Variants in DET1 observed in about 807,000 individuals in gnomAD.
DET1 encodes DET1 homolog.
In DET1, 22 loss-of-function variants were observed where a neutral mutation model predicts 43.7. The ratio of observed to expected loss-of-function variants is 0.50; its 90% confidence interval spans 0.36 to 0.72. The LOEUF (loss-of-function observed/expected upper bound fraction) is 0.72, where lower values mean the gene tolerates loss of function less well. Ranked by LOEUF, DET1 falls within the 30% of genes least tolerant of loss-of-function variation. The pLI is 0.00. For synonymous variants in DET1, 315 were observed against 266.2 expected, an observed-to-expected ratio of 1.18 and a Z score of -1.79; for missense variants, 713 against 713.3, an observed-to-expected ratio of 1.00 and a Z score of 0.00.
intron 4 of DET1, among the ~76,000 whole-genome samples, chr15:88,515,487 C>T (rs2056316387): frequency 8.2e-6 from 1 of 122,566 alleles, no homozygotes; most frequent in Admixed American, 1.1e-4. Context: ...TGCAGTGAGT[C>T]GAGATCGTGC....
downstream of DET1, chr15:88,511,492 T>C (rs1266563507): frequency 2.0e-6 from 2 of 985,352 alleles, no homozygotes; most frequent in Non-Finnish European, 2.4e-6. Flanking sequence ...TCTTCAACTC[T>C]TGGTCATACA....
intron 2 of DET1, 120 bp from the exon 3 acceptor site, chr15:88,527,906 A>T (rs575990905): frequency 3.4e-6 from 2 of 581,168 alleles, no homozygotes; most frequent in Non-Finnish European, 5.4e-6. Context: ...CAACAACAAC[A>T]ACAACAACAA....
intron 1 of DET1, among the ~76,000 whole-genome samples, chr15:88,535,793 GA>G (rs1161209358): frequency 6.9e-6 from 1 of 145,972 alleles, no homozygotes; most frequent in Non-Finnish European, 1.5e-5. Flanking sequence ...GAAGGAAGGG[GA>G]AAAAAAGAAA....
intron 8 of DET1, chr15:88,503,866 G>A (rs1372819790): frequency 2.0e-5 from 3 of 152,072 alleles, no homozygotes; most frequent in African/African-American, 4.8e-5. Flanking sequence ...CAGGCATGGT[G>A]ACATGTACCT....
At chr15:88,537,790 C>T (rs71403939) in intron 1 of DET1, among the ~76,000 whole-genome samples, 5,694 of 152,310 alleles carry the variant, frequency 0.037, 134 homozygotes, top group Middle Eastern at 0.061. Context: ...ATTCCCTCTG[C>T]CTGGAATGCA....
intron 3 of DET1, 43 bp downstream of exon 3, chr15:88,527,556 T>A (rs756938935): frequency 1.3e-6 from 2 of 1,521,102 alleles, no homozygotes; most frequent in Non-Finnish European, 1.8e-6. Context: ...CTAACACCAA[T>A]TTTTCTAAAG....
At chr15:88,542,485 G>A (rs1001880760) in intron 1 of DET1, among the ~76,000 whole-genome samples, 7 of 152,114 alleles carry the variant, frequency 4.6e-5, no homozygotes, top group African/African-American at 1.4e-4. Context: ...TACTCCTTTT[G>A]ACCCGGTGGC....
At chr15:88,541,486 A>G (rs1021711526) in intron 1 of DET1, among the ~76,000 whole-genome samples, 2 of 151,884 alleles carry the variant, frequency 1.3e-5, no homozygotes, top group African/African-American at 4.8e-5. Flanking sequence ...TACGAGAAAC[A>G]CCCACAGGTG....
chr15:88,543,406 A>C (rs1053530214), intron 1 of DET1, among the ~76,000 whole-genome samples: 3 of 152,222 alleles, frequency 2.0e-5, no homozygotes, highest in Non-Finnish European at 2.9e-5. Flanking sequence ...GCATTTTACA[A>C]TATCAGAGTT....
chr15:88,543,369 C>T (rs2057162442), intron 1 of DET1, among the ~76,000 whole-genome samples: 1 of 152,208 alleles, frequency 6.6e-6, no homozygotes, highest in Non-Finnish European at 1.5e-5. Flanking sequence ...CTACAAAGTG[C>T]TTCAGGTAAA....
chr15:88,520,461 T>C (rs1192806124), intron 3 of DET1, among the ~76,000 whole-genome samples: 1 of 152,242 alleles, frequency 6.6e-6, no homozygotes, highest in Non-Finnish European at 1.5e-5. Context: ...TGTACTTGAC[T>C]CGTCAGGTGG....
chr15:88,503,558 G>T (rs1040054613), intron 8 of DET1: 3 of 152,178 alleles, frequency 2.0e-5, no homozygotes, highest in Non-Finnish European at 4.4e-5. Flanking sequence ...CAAATTGCTT[G>T]ATCTCTCTAA....
chr15:88,545,352 A>G (rs2142355730), intron 1 of DET1, among the ~76,000 whole-genome samples: 1 of 152,308 alleles, frequency 6.6e-6, no homozygotes, highest in African/African-American at 2.4e-5. Context: ...TAACTGCTCT[A>G]GGTGACCCTA....
rs1049293052 is a variant in DET1 at position 88,512,717 on chromosome 15, TC to T, written c.*233del. 8.0e-7 allele frequency: 1 copy of T among 1,250,940 alleles called. No individual in the cohort carries two copies. Among genetic ancestry groups the T allele is most frequent in the African/African-American group, 1.5e-5 (1 of 65,620 alleles). The allele number at this position is 1,250,940 out of a possible 1,614,324, so 77.5% of individuals were successfully genotyped here. ...AATGGACTTAATTAATGCTGGGCAT[TC>T]CCACAGGGAAAACGCAAGAGGATAT... On this transcript the variant is annotated 3_prime_UTR_variant, in exon 5 of 5. Coordinates refer to ENST00000268148, the MANE Select transcript of DET1 (RefSeq NM_001144074.3).
At chr15:88,518,296 C>A (rs1221641524) in intron 3 of DET1, among the ~76,000 whole-genome samples, 1 of 152,084 alleles carries the variant, frequency 6.6e-6, no homozygotes, top group Non-Finnish European at 1.5e-5. Context: ...TGGAAATTTA[C>A]CCTAAGGAAT....
rs778233376 is a variant in DET1, at chr15:88,536,953, G to A, written c.-10-5238C>T. ...GAAAAAGACTGGAAAGCAGGGGAGCGATTGGATCCAATCTGTATTTTAAAA... is the reference window on the plus strand; with the variant it reads ...GAAAAAGACTGGAAAGCAGGGGAGCAATTGGATCCAATCTGTATTTTAAAA... On this transcript the variant is annotated intron_variant, in intron 1 of 4. Coordinates refer to ENST00000268148, the MANE Select transcript of DET1 (RefSeq NM_001144074.3). Among the ~76,000 whole-genome samples the A allele has an allele frequency of 7.2e-5, 11 of 152,162 alleles. No individual in the cohort carries two copies. The South Asian group carries it at 8.3e-4, about 11-fold the overall frequency.
rs923651611 is a variant in DET1, at chr15:88,524,756, T to G, written c.1271+2843A>C. Among the ~76,000 whole-genome samples, 4 of 152,212 alleles carry G rather than the reference T, an allele frequency of 2.6e-5. No homozygotes were observed. In the East Asian group the frequency reaches 5.8e-4, roughly 22 times the overall value. ...AAACAGATGCTTGAAGGCAGCATGC[T>G]CCTTAAGAGTCATCACCACTCCCTA... On this transcript the variant is annotated intron_variant, in intron 3 of 4. Transcript: ENST00000268148.
intron 1 of DET1, among the ~76,000 whole-genome samples, chr15:88,539,892 T>C (rs2057058375): frequency 6.6e-6 from 1 of 152,244 alleles, no homozygotes. Flanking sequence ...GCAGATTTCC[T>C]TGCTCACCTT....
chr15:88,512,816 T>TGGCTCTCTCC lies in DET1; in HGVS notation c.*125_*134dup, dbSNP rs2056229275. Reference sequence around the variant, plus strand: ...GTTGAGCCACCCTCACTCCTCTCTCTGGCTCTCTCCCATCTGAGGTATAGC... The same window carrying TGGCTCTCTCC: ...GTTGAGCCACCCTCACTCCTCTCTCTGGCTCTCTCCGGCTCTCTCCCATCTGAGGTATAGC... On this transcript the variant is annotated 3_prime_UTR_variant, in exon 5 of 5. Coordinates refer to ENST00000268148, the MANE Select transcript of DET1 (RefSeq NM_001144074.3). 6.9e-7 allele frequency: 1 copy of TGGCTCTCTCC among 1,443,274 alleles called. No individual in the cohort carries two copies. Among genetic ancestry groups the TGGCTCTCTCC allele is most frequent in the East Asian group, 2.5e-5 (1 of 40,770 alleles). 89.4% of individuals were successfully genotyped at this position (1,443,274 alleles called of 1,614,324 possible).
Sources: allele counts gnomAD v4.1 joint callset (sites outside exome capture counted in the v4.1 genomes callset), GRCh38; gene constraint gnomAD v4.1.1; transcripts MANE v1.5; gene names NCBI Gene and HGNC (gene_info 2026-07-23, HGNC 2026-07-21).